Variants in PRDM16 observed in about 807,000 individuals in gnomAD.
PRDM16 encodes histone-lysine N-methyltransferase PRDM16.
Under a neutral mutation model 110.6 loss-of-function variants are expected in PRDM16, and 23 were observed. That is an observed-to-expected ratio of 0.21 (90% confidence interval 0.15 to 0.29). PRDM16 has a LOEUF of 0.29. Among genes scored for constraint, PRDM16 ranks in the 10% least tolerant of loss-of-function variants. The pLI, the probability that PRDM16 is intolerant of heterozygous loss-of-function variation, is 1.00. For synonymous variants in PRDM16, 799 were observed against 781.8 expected (o/e 1.02, Z -0.37); for missense variants, 1,615 against 1,794.3 (o/e 0.90, Z 1.81).
intron 14 of PRDM16, among the ~76,000 whole-genome samples, chr1:3,427,669 C>G (rs565756645): frequency 1.5e-4 from 23 of 152,104 alleles, no homozygotes; most frequent in Non-Finnish European, 2.5e-4. Flanking sequence ...AATCTGTGCC[C>G]CTCCTAGGAA....
chr1:3,204,509 G>A (rs1245027587), intron 2 of PRDM16, among the ~76,000 whole-genome samples: 3 of 152,202 alleles, frequency 2.0e-5, no homozygotes, highest in Admixed American at 6.5e-5. Context: ...GGAAGTCTCC[G>A]AATTCCTTCT....
At position 3,196,337 on chromosome 1, in the gene PRDM16, A is replaced by G. The variant is rs559796804; in HGVS notation, c.387+9863A>G. ...TGACCCAGCCGGGCCCTGGAACTTGACTTCACTACAGCCGATGGCCCTCTC... is the reference window on the plus strand; with the variant it reads ...TGACCCAGCCGGGCCCTGGAACTTGGCTTCACTACAGCCGATGGCCCTCTC... On this transcript the variant is annotated intron_variant, in intron 2 of 16. Coordinates refer to ENST00000270722, the MANE Select transcript of PRDM16 (RefSeq NM_022114.4). Among the ~76,000 whole-genome samples the G allele has an allele frequency of 2.0e-5, 3 of 152,224 alleles. 1 individual carries two copies. The South Asian group carries it at 6.2e-4, about 32-fold the overall frequency.
intron 1 of PRDM16, among the ~76,000 whole-genome samples, chr1:3,169,645 A>G (rs1644002219): frequency 6.6e-6 from 1 of 152,146 alleles, no homozygotes; most frequent in South Asian, 2.1e-4. Context: ...ACAAACGATT[A>G]AAGAAAAAAA....
intron 10 of PRDM16, among the ~76,000 whole-genome samples, chr1:3,416,677 A>AG (rs1274338315): frequency 6.6e-5 from 10 of 152,124 alleles, no homozygotes; most frequent in Non-Finnish European, 1.5e-4. Flanking sequence ...GGGAGCTCCC[A>AG]GGGGAGGCAG....
chr1:3,424,751 G>C (rs1323534464), intron 12 of PRDM16, among the ~76,000 whole-genome samples: 1 of 152,218 alleles, frequency 6.6e-6, no homozygotes, highest in Non-Finnish European at 1.5e-5. Flanking sequence ...CTGCCCAGGG[G>C]CCCCCAGCCA....
chr1:3,321,933 G>A (rs112351237), intron 3 of PRDM16, among the ~76,000 whole-genome samples: 2,101 of 151,834 alleles, frequency 0.014, 33 homozygotes, highest in Non-Finnish European at 0.019. Flanking sequence ...ACACATATGC[G>A]TGTATGTTTG....
chr1:3,394,504 G>A (rs764111869), intron 4 of PRDM16: 1 of 426,802 alleles, frequency 2.3e-6, no homozygotes, highest in South Asian at 1.6e-5. Flanking sequence ...GGTGGGTGGG[G>A]TGGGTGGTGC....
rs548567877 is a variant in PRDM16, at chr1:3,225,810, C to T, written c.388-18277C>T. On this transcript the variant is annotated intron_variant, in intron 2 of 16. Coordinates refer to ENST00000270722, the MANE Select transcript of PRDM16 (RefSeq NM_022114.4). ...CAATCGGCCCCACCTCCAGAAGTGT[C>T]GGATCACAGGACACAGCTCCTGGGG... Among the ~76,000 whole-genome samples, 6 of 152,340 alleles carry T rather than the reference C, an allele frequency of 3.9e-5. No individual in the cohort carries two copies. The East Asian group carries it at 7.7e-4, about 20-fold the overall frequency.
At chr1:3,118,273 C>T (rs1041386061) in intron 1 of PRDM16, among the ~76,000 whole-genome samples, 13 of 152,214 alleles carry the variant, frequency 8.5e-5, no homozygotes, top group Admixed American at 5.9e-4. Flanking sequence ...AAGGCTGATC[C>T]AGACCTGCTC....
chr1:3,346,403 G>C (rs915504541), intron 3 of PRDM16, among the ~76,000 whole-genome samples: 6 of 152,122 alleles, frequency 3.9e-5, no homozygotes, highest in African/African-American at 1.4e-4. Context: ...GCAGAACACG[G>C]GGGCCTGCCT....
chr1:3,316,516 C>A (rs1326362515), intron 3 of PRDM16, among the ~76,000 whole-genome samples: 1 of 152,164 alleles, frequency 6.6e-6, no homozygotes, highest in East Asian at 1.9e-4. Context: ...GAAAACATAG[C>A]CGAGAAGACA....
intron 8 of PRDM16, among the ~76,000 whole-genome samples, chr1:3,410,006 A>ATGTG: frequency 1.1e-5 from 1 of 94,586 alleles, no homozygotes; most frequent in Admixed American, 1.2e-4. Context: ...GGGGGTGTGC[A>ATGTG]TGTGTGTGTG....
At chr1:3,356,327 C>T (rs1464840162) in intron 3 of PRDM16, among the ~76,000 whole-genome samples, 1 of 152,238 alleles carries the variant, frequency 6.6e-6, no homozygotes, top group Non-Finnish European at 1.5e-5. Flanking sequence ...CCAGGGCGGC[C>T]ACTCTGGCCT....
chr1:3,240,325 G>A (rs1237313630), intron 2 of PRDM16, among the ~76,000 whole-genome samples: 1 of 150,090 alleles, frequency 6.7e-6, no homozygotes, highest in African/African-American at 2.5e-5. Context: ...GAGTTGAGAG[G>A]ATCGCTTGAG....
rs573933093 is a variant in PRDM16 at position 3,366,095 on chromosome 1, G to T, written c.439-19057G>T. ...GGAGGGTCTGGGAAGATGGCGAAGA[G>T]GTGAGGCTAAGAAATAACCCTTGAC... On this transcript the variant is annotated intron_variant, in intron 3 of 16. Coordinates refer to ENST00000270722, the MANE Select transcript of PRDM16 (RefSeq NM_022114.4). 2.3e-3 allele frequency among the ~76,000 whole-genome samples: 353 copies of T among 152,374 alleles called. 2 individuals carry two copies. Among genetic ancestry groups the T allele is most frequent in the African/African-American group, 8.1e-3 (337 of 41,594 alleles).
rs567761188 is a variant in PRDM16, at chr1:3,411,553, G to T, written c.1356G>T (p.Thr452=). ...RRFCEGKNHY[T]PGGIFAPGLP... is the part of the protein sequence containing the mutation. The stretch of plus-strand genomic sequence containing the variant: ...TCTGCGAGGGCAAGAACCATTACAC[G>T]CCGGGCGGCATCTTTGCCCCGGGCC... Residue 452 remains threonine, a synonymous_variant, in exon 9 of 17, where the codon ACG becomes ACT. Transcript: ENST00000270722. 3 of 1,614,064 alleles carry T rather than the reference G, an allele frequency of 1.9e-6. No homozygotes were observed. The highest frequency in any genetic ancestry group is 1.7e-6 in the Non-Finnish European group (2 of 1,180,020).
chr1:3,368,926 C>T (rs1642863391), intron 3 of PRDM16, among the ~76,000 whole-genome samples: 2 of 152,354 alleles, frequency 1.3e-5, no homozygotes, highest in African/African-American at 2.4e-5. Flanking sequence ...GGTAATCGGC[C>T]GCATGCTGCC....
At chr1:3,089,604 C>G (rs1169510046) in intron 1 of PRDM16, among the ~76,000 whole-genome samples, 1 of 152,378 alleles carries the variant, frequency 6.6e-6, no homozygotes, top group African/African-American at 2.4e-5. Flanking sequence ...CTAATTTAAA[C>G]AGAAATGCCC....
chr1:3,426,387 G>A (rs916795757), intron 14 of PRDM16, among the ~76,000 whole-genome samples, 162 bp downstream of exon 14: 1 of 151,986 alleles, frequency 6.6e-6, no homozygotes, highest in African/African-American at 2.4e-5. Context: ...TGGGCTCTGG[G>A]AACCTGGGGA....
Sources: gnomAD v4.1 joint callset for allele counts (sites outside exome capture counted in the v4.1 genomes callset) on GRCh38, gnomAD v4.1.1 for gene constraint, MANE v1.5 for transcripts, NCBI Gene and HGNC (gene_info 2026-07-23, HGNC 2026-07-21) for gene names.